The following COL1A1 variants were observed in gnomAD, a reference collection of about 807,000 sequenced individuals.
COL1A1 encodes collagen alpha-1(I) chain.
A neutral mutation model predicts 195.7 loss-of-function variants in COL1A1; 21 were observed. That is an observed-to-expected ratio of 0.11 (90% confidence interval 0.08 to 0.15). The LOEUF (loss-of-function observed/expected upper bound fraction) is 0.15. Among genes scored for constraint, COL1A1 ranks in the 10% least tolerant of loss-of-function variants. The pLI is 1.00. For missense variants in COL1A1, 1,365 were observed against 2,051.0 expected (o/e 0.67, Z 6.46); for synonymous variants, 749 against 747.3 (o/e 1.00, Z -0.04).
In COL1A1 at chr17:50,199,232, G is replaced by A. The variant is rs1229801664; in HGVS notation, c.465C>T (p.Leu155=). 2.1e-6 allele frequency: 3 copies of A among 1,461,932 alleles called. No homozygotes were observed. Among genetic ancestry groups the A allele is most frequent in the Admixed American group, 2.7e-5 (1 of 37,596 alleles). 90.6% of individuals were successfully genotyped at this position (1,461,932 alleles called of 1,614,324 possible). A position where few individuals can be genotyped will look rare whatever the true frequency, so the allele number is the denominator to read the frequency against. ...GPPGPPGPPG[L]GGNFAPQLSY... ...ACAAGGCCTCTCCACTTACTCCTCC[G>A]AGGCCAGGGGGTCCGGGAGGTCCGG... The change falls in exon 5 of 51, where the codon CTC becomes CTT. Residue 155 remains leucine, a synonymous_variant. Transcript: ENST00000225964.
chr17:50,199,577 G>A lies in COL1A1; in HGVS notation c.312C>T (p.Asp104=). The change falls in exon 3 of 51, where the codon GAC becomes GAT. Residue 104 remains aspartate (D), a synonymous_variant. Transcript: ENST00000225964. Reference sequence around the variant, plus strand: ...TTACCTCGACGCCGGTGGTTTCTTGGTCGGTGGGTGACTCTAGGGGACGAA... The same window carrying A: ...TTACCTCGACGCCGGTGGTTTCTTGATCGGTGGGTGACTCTAGGGGACGAA... The part of the protein sequence containing the change: ...VCPDGSESPT[D]QETTGVEGPK... The A allele has an allele frequency of 1.2e-6, 2 of 1,614,162 alleles. No individual in the cohort carries two copies. Among genetic ancestry groups the A allele is most frequent in the Non-Finnish European group, 1.7e-6 (2 of 1,179,992 alleles).
chr17:50,186,196 T>A lies in COL1A1; in HGVS notation c.4005+121A>T. ...ACCACTATCAGGGACCTGAGACCCCTGCCTCCCAGCCCAGCTCTGTCCATC... is the reference window on the plus strand; with the variant it reads ...ACCACTATCAGGGACCTGAGACCCCAGCCTCCCAGCCCAGCTCTGTCCATC... On this transcript the variant is annotated intron_variant, in intron 49 of 50. Transcript: ENST00000225964. This position sits in a 1 kb window ranked among gnomAD's most constrained non-coding sequence, Gnocchi z 5.3. 6.5e-7 allele frequency: 1 copy of A among 1,527,330 alleles called. No individual in the cohort carries two copies. The highest frequency in any genetic ancestry group is 2.3e-5 in the East Asian group (1 of 44,172). 94.6% of individuals were successfully genotyped at this position (1,527,330 alleles called of 1,614,324 possible).
Position 50,198,548 on chromosome 17 carries a change from A to C in COL1A1, c.472-44T>G, listed in dbSNP as rs202224757. On this transcript the variant is annotated intron_variant, in intron 5 of 50. Coordinates refer to ENST00000225964, the MANE Select transcript of COL1A1 (RefSeq NM_000088.4). ...GTCAGAGTGAGGACAGTGAATTGAA[A>C]GGCAGAAGACGGCACTGAGGATGGA... 8.6e-6 allele frequency: 13 copies of C among 1,512,022 alleles called. No homozygotes were observed. In the East Asian group the frequency reaches 3.0e-4, roughly 35 times the overall value. The allele number at this position is 1,512,022 out of a possible 1,614,324, so 93.7% of individuals were successfully genotyped here. A position where few individuals can be genotyped will look rare whatever the true frequency, so the allele number is the denominator to read the frequency against.
chr17:50,197,595 A>G, intron 9 of COL1A1, 137 bp downstream of exon 9: 2 of 753,452 alleles, frequency 2.7e-6, no homozygotes, highest in Non-Finnish European at 4.6e-6. Flanking sequence ...TCATTGTTCC[A>G]GGGCAGTCCG....
In COL1A1 at chr17:50,188,682, G is replaced by T; in HGVS notation, c.3100-45C>A. 1 of 1,612,982 alleles carries T rather than the reference G, an allele frequency of 6.2e-7. No individual in the cohort carries two copies. The highest frequency in any genetic ancestry group is 8.5e-7 in the Non-Finnish European group (1 of 1,179,000). On this transcript the variant is annotated intron_variant, in intron 42 of 50. Coordinates refer to ENST00000225964, the MANE Select transcript of COL1A1 (RefSeq NM_000088.4). This position sits in a 1 kb window ranked among gnomAD's most constrained non-coding sequence, Gnocchi z 5.6. The stretch of plus-strand genomic sequence containing the variant: ...AATATGGGTCAGCCCCGGGTGAAGG[G>T]CCAGGATGGGGCAGGGAAGCAGCAG...
Position 50,195,214 on chromosome 17 carries a change from G to A in COL1A1, c.1299+18C>T. 6.2e-7 allele frequency: 1 copy of A among 1,611,430 alleles called. No individual in the cohort carries two copies. The highest frequency in any genetic ancestry group is 2.2e-5 in the East Asian group (1 of 44,804). On this transcript the variant is annotated intron_variant, in intron 19 of 50. Coordinates refer to ENST00000225964, the MANE Select transcript of COL1A1 (RefSeq NM_000088.4). This position sits in a 1 kb window ranked among gnomAD's most constrained non-coding sequence, Gnocchi z 4.3. Reference sequence around the variant, plus strand: ...AGCCAGTGCATGGGGTGGGCAGAAGGGAGAGTTTGGTACTCACGCTGTTAC... The same window carrying A: ...AGCCAGTGCATGGGGTGGGCAGAAGAGAGAGTTTGGTACTCACGCTGTTAC...
At chr17:50,192,361 C>T (rs909603321) in intron 29 of COL1A1, 114 bp downstream of exon 29, 32 of 1,233,806 alleles carry the variant, frequency 2.6e-5, no homozygotes, top group African/African-American at 7.5e-5. Flanking sequence ...AAGTTCTTTC[C>T]GGCGTCTAAC....
chr17:50,192,891 C>T (rs1356109425), intron 26 of COL1A1, 41 bp from the exon 27 acceptor site: 2 of 1,613,390 alleles, frequency 1.2e-6, no homozygotes, highest in African/African-American at 1.3e-5. Context: ...GTTAGGAGGC[C>T]CCGAGCAGCT....
chr17:50,199,628 G>A, intron 2 of COL1A1, 38 bp from the exon 3 acceptor site: 1 of 1,613,778 alleles, frequency 6.2e-7, no homozygotes, highest in Non-Finnish European at 8.5e-7. Flanking sequence ...GCCAAGGTTT[G>A]CTAATGCTGC....
At chr17:50,199,198 A>C in intron 5 of COL1A1, 28 bp downstream of exon 5, 1 of 1,438,706 alleles carries the variant, frequency 7.0e-7, no homozygotes, top group East Asian at 2.5e-5. Context: ...AACAGGGGAG[A>C]GTGGACACAC....
rs761672800 is a variant in COL1A1, at chr17:50,199,312, G to C, written c.385C>G (p.Pro129Ala). 1.3e-6 allele frequency: 2 copies of C among 1,548,966 alleles called. No individual in the cohort carries two copies. Among genetic ancestry groups the C allele is most frequent in the Admixed American group, 3.9e-5 (2 of 51,656 alleles). ...PRGPRGPAGP[P>A]GRDGIPGQPG... ...TGTCCAGGGATGCCATCTCGGCCAG[G>C]GGGGCCTGCGGGTCCCTGCAGGGGG... Residue 129 changes from proline to alanine, a missense_variant, in exon 5 of 51, where the codon CCT becomes GCT. This residue lies in a region of COL1A1 where 194 missense variants were observed against 221.7 expected (regional missense o/e 0.88). Transcript: ENST00000225964.
intron 11 of COL1A1, 147 bp from the exon 12 acceptor site, chr17:50,196,817 T>G: frequency 8.7e-7 from 1 of 1,146,628 alleles, no homozygotes; most frequent in Admixed American, 1.8e-5. Flanking sequence ...TGGCTCTAGA[T>G]CTCACCCAAT....
intron 5 of COL1A1, 157 bp from the exon 6 acceptor site, chr17:50,198,661 A>T (rs1907810049): frequency 1.4e-6 from 1 of 690,344 alleles, no homozygotes; most frequent in South Asian, 1.6e-5. Context: ...GCATCCCTGC[A>T]TCTAATCTAA....
rs1419300181 is a variant in COL1A1, at chr17:50,195,122, T to C, written c.1300-22A>G. ...CACCCTGCAAGGGGGGAGAAGAGGA[T>C]GAGCTGAGAGTCGGGGGCGCTCAGT... On this transcript the variant is annotated intron_variant, in intron 19 of 50. Coordinates refer to ENST00000225964, the MANE Select transcript of COL1A1 (RefSeq NM_000088.4). The surrounding 1 kb of genome is among the most constrained non-coding windows in gnomAD (Gnocchi z 4.3). 1 of 1,613,236 alleles carries C rather than the reference T, an allele frequency of 6.2e-7. No individual in the cohort carries two copies. The highest frequency in any genetic ancestry group is 8.5e-7 in the Non-Finnish European group (1 of 1,179,558).
In COL1A1 at chr17:50,194,154, A is replaced by T. The variant is rs1312778967; in HGVS notation, c.1644T>A (p.Gly548=). 1.2e-6 allele frequency: 2 copies of T among 1,613,670 alleles called. No individual in the cohort carries two copies. Among genetic ancestry groups the T allele is most frequent in the South Asian group, 2.2e-5 (2 of 91,026 alleles). Residue 548 remains glycine (G), a synonymous_variant, in exon 24 of 51, where the codon GGT becomes GGA. Coordinates refer to ENST00000225964, the MANE Select transcript of COL1A1 (RefSeq NM_000088.4). This position sits in a 1 kb window ranked among gnomAD's most constrained non-coding sequence, Gnocchi z 6.8. Reference sequence around the variant, plus strand: ...CAGGGGGGCCAGTTTTGCCATCAGGACCAGGGCTGCCAGGGCTTCCAGTCA... The same window carrying T: ...CAGGGGGGCCAGTTTTGCCATCAGGTCCAGGGCTGCCAGGGCTTCCAGTCA... The part of the protein sequence containing the change: ...KGLTGSPGSP[G]PDGKTGPPGP...
chr17:50,191,259 G>C (rs760942558), intron 32 of COL1A1, 124 bp downstream of exon 32: 21 of 953,214 alleles, frequency 2.2e-5, no homozygotes, highest in South Asian at 9.4e-5. Flanking sequence ...AGGGGAAAGG[G>C]GAAGAAGGGA....
rs1393644427 is a variant in COL1A1 at position 50,195,897 on chromosome 17, G to A, written c.1056+26C>T. The A allele has an allele frequency of 6.4e-7, 1 of 1,566,184 alleles. No individual in the cohort carries two copies. Among genetic ancestry groups the A allele is most frequent in the Non-Finnish European group, 8.7e-7 (1 of 1,154,662 alleles). Reference sequence around the variant, plus strand: ...GAACCCCTTGGCCCATGAGGGTCATGCTTAGAGGAGAGTGGGGGGTCTCAC... The same window carrying A: ...GAACCCCTTGGCCCATGAGGGTCATACTTAGAGGAGAGTGGGGGGTCTCAC... On this transcript the variant is annotated intron_variant, in intron 16 of 50. Coordinates refer to ENST00000225964, the MANE Select transcript of COL1A1 (RefSeq NM_000088.4). This position sits in a 1 kb window ranked among gnomAD's most constrained non-coding sequence, Gnocchi z 4.3.
chr17:50,186,181 G>A lies in COL1A1; in HGVS notation c.4005+136C>T. The A allele has an allele frequency of 6.6e-7, 1 of 1,508,856 alleles. No individual in the cohort carries two copies. The highest frequency in any genetic ancestry group is 9.1e-7 in the Non-Finnish European group (1 of 1,103,362). The allele number at this position is 1,508,856 out of a possible 1,614,324, so 93.5% of individuals were successfully genotyped here. A position where few individuals can be genotyped will look rare whatever the true frequency, so the allele number is the denominator to read the frequency against. On this transcript the variant is annotated intron_variant, in intron 49 of 50. Transcript: ENST00000225964. This position sits in a 1 kb window ranked among gnomAD's most constrained non-coding sequence, Gnocchi z 5.3. The stretch of plus-strand genomic sequence containing the variant: ...GCAGCCTGTGTCTGAACCACTATCA[G>A]GGACCTGAGACCCCTGCCTCCCAGC...
chr17:50,188,673 G>A lies in COL1A1; in HGVS notation c.3100-36C>T, dbSNP rs531476034. 24 of 1,613,056 alleles carry A rather than the reference G, an allele frequency of 1.5e-5. No homozygotes were observed. The East Asian group carries it at 1.6e-4, about 10-fold the overall frequency. On this transcript the variant is annotated intron_variant, in intron 42 of 50. Transcript: ENST00000225964. The surrounding 1 kb of genome is among the most constrained non-coding windows in gnomAD (Gnocchi z 5.6). ...GAGCAGGGGAATATGGGTCAGCCCC[G>A]GGTGAAGGGCCAGGATGGGGCAGGG...
Sources: allele counts gnomAD v4.1 joint callset, GRCh38; gene constraint gnomAD v4.1.1; regional missense constraint gnomAD v4.1.1; non-coding constraint Gnocchi (gnomAD v3.1); transcripts MANE v1.5; gene names NCBI Gene and HGNC (gene_info 2026-07-23, HGNC 2026-07-21).